The following COP1 variants were observed in gnomAD, a reference collection of about 807,000 sequenced individuals.
COP1 encodes the protein COP1 E3 ubiquitin ligase, also known as E3 ubiquitin-protein ligase COP1.
COP1 carries 24 observed loss-of-function variants against 101.3 expected under a neutral mutation model. The ratio of observed to expected loss-of-function variants is 0.24; its 90% CI spans 0.17 to 0.33. The LOEUF is 0.33. COP1 is among the 10% of genes least tolerant of loss of function. COP1 has a pLI of 1.00. For synonymous variants in COP1, 347 were observed against 341.9 expected (o/e 1.01, Z -0.17); for missense variants, 663 against 906.2 (o/e 0.73, Z 3.45).
Position 176,120,294 on chromosome 1 carries a change from C to A in COP1, c.969-3613G>T, listed in dbSNP as rs139438407. Among the ~76,000 whole-genome samples the A allele has an allele frequency of 2.7e-4, 41 of 152,036 alleles. 1 individual carries two copies. In the East Asian group the frequency reaches 6.2e-3, roughly 23 times the overall value. ...AATGAGCTGGGCATCATGGCAAGTG[C>A]GTGTAATCCCAGATACTAGGGAGGC... On this transcript the variant is annotated intron_variant, in intron 8 of 19. Transcript: ENST00000367669.
rs1436292507 is a variant in COP1, at chr1:176,048,199, T to TTTA, written c.1278-1876_1278-1875insTAA. Among the ~76,000 whole-genome samples the TTTA allele has an allele frequency of 5.4e-5, 8 of 146,992 alleles. No individual in the cohort carries two copies. The East Asian group carries it at 1.6e-3, about 29-fold the overall frequency. On this transcript the variant is annotated intron_variant, in intron 11 of 19. Transcript: ENST00000367669. Reference sequence around the variant, plus strand: ...ATTTTTTAAAGAATTAAAATTCTTTTTTTTTTTTTTTTTTACAGAGATGGG... The same window carrying TTTA: ...ATTTTTTAAAGAATTAAAATTCTTTTTTATTTTTTTTTTTTTTACAGAGATGGG...
chr1:175,971,624 A>G (rs1398353193), intron 18 of COP1, among the ~76,000 whole-genome samples: 2 of 152,132 alleles, frequency 1.3e-5, no homozygotes, highest in Admixed American at 1.3e-4. Context: ...ACCTTGCCCT[A>G]TGCATCTCTT....
At chr1:176,076,805 A>T (rs932861673) in intron 11 of COP1, among the ~76,000 whole-genome samples, 1 of 152,192 alleles carries the variant, frequency 6.6e-6, no homozygotes, top group African/African-American at 2.4e-5. Context: ...CCAATACCAC[A>T]GAAATACAAA....
chr1:176,076,683 T>C (rs2149376567), intron 11 of COP1, among the ~76,000 whole-genome samples: 1 of 152,036 alleles, frequency 6.6e-6, no homozygotes, highest in Admixed American at 6.6e-5. Flanking sequence ...GACCAAGAGT[T>C]GGTTCTTCAA....
At chr1:175,998,715 G>C (rs1660890921) in intron 15 of COP1, among the ~76,000 whole-genome samples, 1 of 151,924 alleles carries the variant, frequency 6.6e-6, no homozygotes, top group East Asian at 1.9e-4. Flanking sequence ...TACCTTTCTG[G>C]TGTAAGTTAA....
At chr1:175,950,403 A>T (rs1224037263) in intron 18 of COP1, among the ~76,000 whole-genome samples, 2 of 149,580 alleles carry the variant, frequency 1.3e-5, no homozygotes, top group Non-Finnish European at 3.0e-5. Flanking sequence ...AAGATAAATT[A>T]TTTTTTTTTT....
intron 15 of COP1, among the ~76,000 whole-genome samples, chr1:176,003,685 G>A (rs1237478193): frequency 4.6e-5 from 7 of 151,902 alleles, no homozygotes; most frequent in East Asian, 3.9e-4. Context: ...ATTTCTGAGG[G>A]CTCTGTTCTG....
chr1:175,954,507 C>A (rs940330000), intron 18 of COP1, among the ~76,000 whole-genome samples: 1 of 151,504 alleles, frequency 6.6e-6, no homozygotes, highest in African/African-American at 2.4e-5. Flanking sequence ...AATTGATACG[C>A]CTTAACAAAA....
At chr1:175,999,776 A>C (rs1023249295) in intron 15 of COP1, among the ~76,000 whole-genome samples, 1 of 151,986 alleles carries the variant, frequency 6.6e-6, no homozygotes, top group African/African-American at 2.4e-5. Context: ...GCATTTGTTT[A>C]CTGCCTAACT....
chr1:175,983,944 G>A (rs780041287), intron 18 of COP1, among the ~76,000 whole-genome samples: 21 of 152,302 alleles, frequency 1.4e-4, no homozygotes, highest in Non-Finnish European at 2.6e-4. Flanking sequence ...TACAAGAGGT[G>A]ACCTGAATGC....
In COP1 at chr1:176,095,297, T is replaced by C. The variant is rs142701216; in HGVS notation, c.1027-9407A>G. On this transcript the variant is annotated intron_variant, in intron 9 of 19. Transcript: ENST00000367669. ...ATTTAGAATAGTGGTTATCATAGTG[T>C]GATCCCCAAAATGTGGCTGAGGACC... Among the ~76,000 whole-genome samples the C allele has an allele frequency of 6.7e-3, 1,015 of 152,348 alleles. 46 individuals are homozygous for C. Among genetic ancestry groups the C allele is most frequent in the Admixed American group, 0.048 (729 of 15,306 alleles).
chr1:176,004,520 C>T (rs9701822), intron 15 of COP1, among the ~76,000 whole-genome samples: 12,076 of 151,180 alleles, frequency 0.08, 555 homozygotes, highest in Middle Eastern at 0.13. Context: ...TTTTGAAATA[C>T]GTCCCATCAA....
At chr1:176,109,036 C>T (rs1012678798) in intron 9 of COP1, among the ~76,000 whole-genome samples, 9 of 151,958 alleles carry the variant, frequency 5.9e-5, no homozygotes, top group South Asian at 4.2e-4. Context: ...CGCTTGAACC[C>T]GGGAGGTGGA....
intron 8 of COP1, among the ~76,000 whole-genome samples, chr1:176,127,597 A>G (rs61821025): frequency 2.8e-4 from 13 of 47,140 alleles, no homozygotes; most frequent in East Asian, 1.2e-3. Flanking sequence ...GTGTATGTGT[A>G]TATATGTGTG....
At position 176,163,915 on chromosome 1, in the gene COP1, A is replaced by C. The variant is rs772921581; in HGVS notation, c.566-24T>G. The C allele has an allele frequency of 2.0e-6, 3 of 1,491,676 alleles. No individual in the cohort carries two copies. In the East Asian group the frequency reaches 6.8e-5, roughly 34 times the overall value. 92.4% of individuals were successfully genotyped at this position (1,491,676 alleles called of 1,614,324 possible). A position where few individuals can be genotyped will look rare whatever the true frequency, so the allele number is the denominator to read the frequency against. ...CACTGAAAACAGAAACAAAATAAAA[A>C]GCACACATAATTTGTATTTTTGTTA... On this transcript the variant is annotated intron_variant, in intron 3 of 19. Coordinates refer to ENST00000367669, the MANE Select transcript of COP1 (RefSeq NM_022457.7).
chr1:176,206,531 T>C lies in COP1; in HGVS notation c.407+41A>G. ...GCCCCCAAGCCTAAGCGGCAGAAACTCATAATTTAGGGACAAGGAGGGAGT... is the reference window on the plus strand; with the variant it reads ...GCCCCCAAGCCTAAGCGGCAGAAACCCATAATTTAGGGACAAGGAGGGAGT... On this transcript the variant is annotated intron_variant, in intron 1 of 19. Transcript: ENST00000367669. 6.5e-6 allele frequency: 10 copies of C among 1,549,272 alleles called. No individual in the cohort carries two copies. In the East Asian group the frequency reaches 1.5e-4, roughly 23 times the overall value.
At chr1:176,121,879 G>A (rs916442649) in intron 8 of COP1, among the ~76,000 whole-genome samples, 2 of 151,894 alleles carry the variant, frequency 1.3e-5, no homozygotes, top group African/African-American at 2.4e-5. Flanking sequence ...GTTTGGTCAC[G>A]CCTGTAATCC....
At chr1:175,977,184 GATAA>G (rs1654791373) in intron 18 of COP1, among the ~76,000 whole-genome samples, 1 of 152,098 alleles carries the variant, frequency 6.6e-6, no homozygotes, top group Non-Finnish European at 1.5e-5. Context: ...AGATCCTGAA[GATAA>G]ATAAAAGTAT....
rs536445482 is a variant in COP1 at position 176,001,097 on chromosome 1, G to GT, written c.1730-11619dup. The stretch of plus-strand genomic sequence containing the variant: ...CCCTTTCCAGTTTAGAAAAAAGGAA[G>GT]TGCAGCTCACTACCAAAGCGCATTT... On this transcript the variant is annotated intron_variant, in intron 15 of 19. Transcript: ENST00000367669. Among the ~76,000 whole-genome samples, 456 of 152,160 alleles carry GT rather than the reference G, an allele frequency of 3.0e-3. 2 individuals are homozygous for GT. Among genetic ancestry groups the GT allele is most frequent in the African/African-American group, 0.01 (429 of 41,538 alleles).
Sources: gnomAD v4.1 joint callset for allele counts (sites outside exome capture counted in the v4.1 genomes callset) on GRCh38, gnomAD v4.1.1 for gene constraint, MANE v1.5 for transcripts, NCBI Gene and HGNC (gene_info 2026-07-23, HGNC 2026-07-21) for gene names.